The following CPSF6 variants were observed in gnomAD, a reference collection of about 807,000 sequenced individuals.
CPSF6 encodes the protein cleavage and polyadenylation specific factor 6, also known as cleavage and polyadenylation specificity factor subunit 6.
Under a neutral mutation model 56.7 loss-of-function variants are expected in CPSF6, and 10 were observed. The ratio of observed to expected loss-of-function variants is 0.18; its 90% CI spans 0.11 to 0.30. The LOEUF is 0.30. Ranked by LOEUF, CPSF6 falls within the 10% of genes least tolerant of loss-of-function variation. The pLI, the probability that CPSF6 is intolerant of heterozygous loss-of-function variation, is 1.00. For missense variants in CPSF6, 419 were observed against 722.9 expected (o/e 0.58, Z 4.82); for synonymous variants, 248 against 244.8 (o/e 1.01, Z -0.12).
intron 3 of CPSF6, among the ~76,000 whole-genome samples, chr12:69,254,276 C>T (rs1872397978): frequency 6.6e-6 from 1 of 152,148 alleles, no homozygotes; most frequent in African/African-American, 2.4e-5. Context: ...GGTCTGTTTT[C>T]CCACCACCTT....
In CPSF6 at chr12:69,258,535, A is replaced by G. The variant is rs551652916; in HGVS notation, c.695-55A>G. 564 of 1,509,534 alleles carry G rather than the reference A, an allele frequency of 3.7e-4. No homozygotes were observed. Among genetic ancestry groups the G allele is most frequent in the Non-Finnish European group, 4.5e-4 (506 of 1,131,994 alleles). The allele number at this position is 1,509,534 out of a possible 1,614,324, so 93.5% of individuals were successfully genotyped here. On this transcript the variant is annotated intron_variant, in intron 5 of 9. Coordinates refer to ENST00000435070, the MANE Select transcript of CPSF6 (RefSeq NM_007007.3). This position sits in a 1 kb window ranked among gnomAD's most constrained non-coding sequence, Gnocchi z 4.2. Reference sequence around the variant, plus strand: ...AGTATAATCTTGGCATATAAAAGTTAAAATATCTTATTAGTGAAGTGTTTT... The same window carrying G: ...AGTATAATCTTGGCATATAAAAGTTGAAATATCTTATTAGTGAAGTGTTTT...
chr12:69,251,929 T>C lies in CPSF6; in HGVS notation c.270+591T>C, dbSNP rs184809980. ...ATTAATATTACATCTTAAGTATCAT[T>C]AAAATAGTCCTATAGAATGTTTGTA... On this transcript the variant is annotated intron_variant, in intron 2 of 9. Transcript: ENST00000435070. Among the ~76,000 whole-genome samples the C allele has an allele frequency of 5.3e-5, 8 of 152,364 alleles. No individual in the cohort carries two copies. The East Asian group carries it at 1.3e-3, about 26-fold the overall frequency.
rs1205783845 is a variant in CPSF6, at chr12:69,269,555, G to A, written c.*47G>A. The A allele has an allele frequency of 2.2e-6, 1 of 450,776 alleles. No homozygotes were observed. The highest frequency in any genetic ancestry group is 4.5e-6 in the Non-Finnish European group (1 of 224,100). The allele number at this position is 450,776 out of a possible 1,614,324, so 27.9% of individuals were successfully genotyped here. ...CTTCCAAGACAAAACAGTCTTCATG[G>A]GGGAAAAATGACGCTTGTCCAGCAG... On this transcript the variant is annotated 3_prime_UTR_variant, in exon 10 of 10. Coordinates refer to ENST00000435070, the MANE Select transcript of CPSF6 (RefSeq NM_007007.3).
Position 69,262,502 on chromosome 12 carries a change from TCGTGACCGAGAC to T in CPSF6, c.1611_1622del (p.Asp537_Arg540del), listed in dbSNP as rs776381672. ...GCAGAGAACGAGAGAGGCACCGGGA[TCGTGACCGAGAC>T]CGTGACCGAGAGCGTGACCGAGAGC... On this transcript the variant is annotated inframe_deletion, in exon 9 of 10. Coordinates refer to ENST00000435070, the MANE Select transcript of CPSF6 (RefSeq NM_007007.3). The T allele has an allele frequency of 6.2e-7, 1 of 1,613,968 alleles. No individual in the cohort carries two copies. Among genetic ancestry groups the T allele is most frequent in the Non-Finnish European group, 8.5e-7 (1 of 1,179,956 alleles).
chr12:69,248,544 A>G (rs1471632921), intron 1 of CPSF6, among the ~76,000 whole-genome samples: 1 of 152,208 alleles, frequency 6.6e-6, no homozygotes, highest in African/African-American at 2.4e-5. Context: ...CCACACTGAA[A>G]CTTCATAACA....
At position 69,259,631 on chromosome 12, in the gene CPSF6, T is replaced by C; in HGVS notation, c.1315+88T>C. The C allele has an allele frequency of 2.8e-6, 3 of 1,069,022 alleles. No homozygotes were observed. In the South Asian group the frequency reaches 5.0e-5, roughly 18 times the overall value. The allele number at this position is 1,069,022 out of a possible 1,614,324, so 66.2% of individuals were successfully genotyped here. A position where few individuals can be genotyped will look rare whatever the true frequency, so the allele number is the denominator to read the frequency against. ...AGTACAATCTAGAAGATAGGTCATT[T>C]ACATGTAGTAGTTCTTTTTATATTC... On this transcript the variant is annotated intron_variant, in intron 7 of 9. Coordinates refer to ENST00000435070, the MANE Select transcript of CPSF6 (RefSeq NM_007007.3).
chr12:69,263,309 T>A (rs890026728), intron 9 of CPSF6, among the ~76,000 whole-genome samples: 1 of 152,112 alleles, frequency 6.6e-6, no homozygotes, highest in Non-Finnish European at 1.5e-5. Flanking sequence ...CATTCATAAA[T>A]CATAATCATT....
At chr12:69,246,214 T>G (rs2120446351) in intron 1 of CPSF6, among the ~76,000 whole-genome samples, 1 of 152,382 alleles carries the variant, frequency 6.6e-6, no homozygotes, top group East Asian at 1.9e-4. Context: ...ATGAATCATT[T>G]TGCTTTACGT....
At chr12:69,267,835 G>A (rs1873066073) in intron 9 of CPSF6, among the ~76,000 whole-genome samples, 1 of 151,746 alleles carries the variant, frequency 6.6e-6, no homozygotes, top group African/African-American at 2.4e-5. Context: ...CATTAGTCCT[G>A]GGAAAAGATG....
At chr12:69,250,288 G>A (rs1283156993) in intron 1 of CPSF6, among the ~76,000 whole-genome samples, 1 of 151,464 alleles carries the variant, frequency 6.6e-6, no homozygotes, top group Non-Finnish European at 1.5e-5. Flanking sequence ...ATTTTGGGGT[G>A]ATTTTTCTAC....
In CPSF6 at chr12:69,269,624, A is replaced by G; in HGVS notation, c.*116A>G. On this transcript the variant is annotated 3_prime_UTR_variant, in exon 10 of 10. Coordinates refer to ENST00000435070, the MANE Select transcript of CPSF6 (RefSeq NM_007007.3). ...ACTGAACCTGTAAGGATTCATGGAT[A>G]AAATGAACAGGAATAGATCTGAATA... 2.5e-6 allele frequency: 1 copy of G among 399,600 alleles called. No homozygotes were observed. Among genetic ancestry groups the G allele is most frequent in the Non-Finnish European group, 5.0e-6 (1 of 200,834 alleles). 24.8% of individuals were successfully genotyped at this position (399,600 alleles called of 1,614,324 possible).
intron 9 of CPSF6, among the ~76,000 whole-genome samples, chr12:69,268,746 G>A (rs1018689223): frequency 4.0e-5 from 6 of 151,456 alleles, no homozygotes; most frequent in African/African-American, 1.5e-4. Flanking sequence ...TTAAATTTTA[G>A]TTTATCAACT....
chr12:69,269,059 A>G (rs1873127504), intron 9 of CPSF6, among the ~76,000 whole-genome samples: 1 of 151,940 alleles, frequency 6.6e-6, no homozygotes, highest in Non-Finnish European at 1.5e-5. Flanking sequence ...TTAATTTGTA[A>G]AATAATTTTG....
intron 8 of CPSF6, among the ~76,000 whole-genome samples, chr12:69,261,317 A>C (rs1428938022): frequency 2.0e-5 from 3 of 152,182 alleles, no homozygotes; most frequent in Admixed American, 6.5e-5. Flanking sequence ...TTTTAATCCC[A>C]ACACTTTGGG....
rs532536120 is a variant in CPSF6 at position 69,260,201 on chromosome 12, A to G, written c.1469+4A>G. 6.4e-7 allele frequency: 1 copy of G among 1,567,554 alleles called. No individual in the cohort carries two copies. The highest frequency in any genetic ancestry group is 1.4e-5 in the African/African-American group (1 of 72,006). ...AGTCTTATGGTTCTGGATCAAGGTA[A>G]AACTTTCCTGTCTCATTTCCATTTA... On this transcript the variant is annotated splice_donor_region_variant and intron_variant, in intron 8 of 9. Coordinates refer to ENST00000435070, the MANE Select transcript of CPSF6 (RefSeq NM_007007.3).
intron 1 of CPSF6, among the ~76,000 whole-genome samples, chr12:69,245,585 T>C (rs915057099): frequency 1.3e-5 from 2 of 152,182 alleles, no homozygotes; most frequent in African/African-American, 4.8e-5. Flanking sequence ...TACCATTCTT[T>C]TATGTTTTAT....
At chr12:69,242,271 G>A (rs1168783540) in intron 1 of CPSF6, among the ~76,000 whole-genome samples, 1 of 151,892 alleles carries the variant, frequency 6.6e-6, no homozygotes, top group East Asian at 1.9e-4. Flanking sequence ...TTGAAATTCG[G>A]GATAGTCTTT....
In CPSF6 at chr12:69,265,193, A is replaced by T. The variant is rs561247556; in HGVS notation, c.*3+2631A>T. ...CTAAGTTCAAATAGATAATATTTTA[A>T]TGAGAAAATACCAATATTGTAAATT... is the stretch of plus-strand genomic sequence containing the variant. On this transcript the variant is annotated intron_variant, in intron 9 of 9. Transcript: ENST00000435070. Among the ~76,000 whole-genome samples the T allele has an allele frequency of 1.0e-3, 158 of 152,332 alleles. 2 individuals carry two copies. In the South Asian group the frequency reaches 0.016, roughly 15 times the overall value.
At chr12:69,259,314 C>T in intron 6 of CPSF6, 114 bp from the exon 7 acceptor site, 1 of 1,360,814 alleles carries the variant, frequency 7.3e-7, no homozygotes, top group Admixed American at 2.5e-5. Context: ...GGAAAAGTAA[C>T]TACTATCTCT....
Sources: allele counts gnomAD v4.1 joint callset (sites outside exome capture counted in the v4.1 genomes callset), GRCh38; gene constraint gnomAD v4.1.1; non-coding constraint Gnocchi (gnomAD v3.1); transcripts MANE v1.5; gene names NCBI Gene and HGNC (gene_info 2026-07-23, HGNC 2026-07-21).